The following FAM107B variants were observed in gnomAD, a reference collection of about 807,000 sequenced individuals.
FAM107B encodes family with sequence similarity 107 member B, also known as protein FAM107B.
Under a neutral mutation model 31.5 loss-of-function variants are expected in FAM107B, and 21 were observed. The ratio of observed to expected loss-of-function variants is 0.67; its 90% CI spans 0.47 to 0.96. FAM107B has a LOEUF of 0.96. Among genes scored for constraint, FAM107B ranks in the 40% least tolerant of loss-of-function variants. FAM107B has a pLI of 0.00. For synonymous variants in FAM107B, 157 were observed against 141.5 expected (o/e 1.11, Z -0.78); for missense variants, 452 against 377.1 (o/e 1.20, Z -1.64).
intron 1 of FAM107B, among the ~76,000 whole-genome samples, chr10:14,686,176 G>C (rs1854981952): frequency 6.6e-6 from 1 of 152,116 alleles, no homozygotes; most frequent in Non-Finnish European, 1.5e-5. Flanking sequence ...ATCACTTGAG[G>C]TCAGGAGTTC....
chr10:14,689,261 T>G (rs1288361263), intron 1 of FAM107B, among the ~76,000 whole-genome samples: 3 of 150,864 alleles, frequency 2.0e-5, no homozygotes, highest in Non-Finnish European at 2.9e-5. Context: ...GCACCTGAAG[T>G]CCCAGCTCCT....
chr10:14,594,458 G>A (rs1852115794), intron 2 of FAM107B, among the ~76,000 whole-genome samples: 1 of 149,388 alleles, frequency 6.7e-6, no homozygotes, highest in Non-Finnish European at 1.5e-5. Flanking sequence ...GAGCTATGGT[G>A]GCACTGCTGC....
chr10:14,749,305 C>A (rs75261036), intron 1 of FAM107B, among the ~76,000 whole-genome samples: 56 of 152,310 alleles, frequency 3.7e-4, no homozygotes, highest in African/African-American at 1.3e-3. Flanking sequence ...CTGATTGAGA[C>A]TCTGAGGGGT....
intron 2 of FAM107B, among the ~76,000 whole-genome samples, chr10:14,656,557 T>C (rs920842552): frequency 3.9e-5 from 6 of 152,174 alleles, no homozygotes; most frequent in African/African-American, 1.4e-4. Flanking sequence ...TTCTTCTTTT[T>C]ATACCAATGT....
chr10:14,680,546 C>T (rs1854807650), intron 1 of FAM107B, among the ~76,000 whole-genome samples: 1 of 147,834 alleles, frequency 6.8e-6, no homozygotes, highest in East Asian at 2.0e-4. Flanking sequence ...TGCACTCCAG[C>T]CTGGGCAACA....
chr10:14,681,547 T>C lies in FAM107B; in HGVS notation c.412-13856A>G, dbSNP rs118140513. Among the ~76,000 whole-genome samples, 404 of 152,292 alleles carry C rather than the reference T, an allele frequency of 2.7e-3. 7 individuals are homozygous for C. In the East Asian group the frequency reaches 0.037, roughly 14 times the overall value. ...CAGAGAAATACTGACTGTTCCATCT[T>C]GGGTCGCATACTTGCCCCTCGTCAC... On this transcript the variant is annotated intron_variant, in intron 1 of 4. Transcript: ENST00000181796.
At position 14,738,827 on chromosome 10, in the gene FAM107B, G is replaced by A. The variant is rs561996375; in HGVS notation, c.411+35426C>T. Among the ~76,000 whole-genome samples, 202 of 152,314 alleles carry A rather than the reference G, an allele frequency of 1.3e-3. 2 individuals carry two copies. In the South Asian group the frequency reaches 0.04, roughly 30 times the overall value. ...TATATTGTAACACTAGTTGCCGTCT[G>A]TTCTGGACATTGTTGCTGTGTAACA... is the stretch of plus-strand genomic sequence containing the variant. On this transcript the variant is annotated intron_variant, in intron 1 of 4. Transcript: ENST00000181796.
chr10:14,636,941 T>C (rs1853514445), intron 2 of FAM107B, among the ~76,000 whole-genome samples: 1 of 152,166 alleles, frequency 6.6e-6, no homozygotes, highest in Admixed American at 6.5e-5. Context: ...CATTTGTTTT[T>C]GCCAGATGTC....
intron 4 of FAM107B, among the ~76,000 whole-genome samples, 172 bp downstream of exon 4, chr10:14,521,697 C>T (rs1279452133): frequency 1.3e-5 from 2 of 152,202 alleles, no homozygotes; most frequent in Non-Finnish European, 2.9e-5. Context: ...CAGTAGGATT[C>T]TTGTCCCTGC....
At chr10:14,723,278 T>C in intron 1 of FAM107B, 2 of 537,328 alleles carry the variant, frequency 3.7e-6, no homozygotes, top group Admixed American at 1.9e-5. Context: ...AGGGAACTGC[T>C]GAATAGGCAC....
chr10:14,698,640 C>T (rs1855324346), intron 1 of FAM107B, among the ~76,000 whole-genome samples: 1 of 152,184 alleles, frequency 6.6e-6, no homozygotes, highest in African/African-American at 2.4e-5. Flanking sequence ...TGACCAAGGT[C>T]CTACAGCTGT....
chr10:14,645,950 AAAC>A (rs1340289010), intron 2 of FAM107B, among the ~76,000 whole-genome samples: 3 of 152,176 alleles, frequency 2.0e-5, no homozygotes, highest in Admixed American at 2.0e-4. Flanking sequence ...ATAGTGTTGG[AAAC>A]AAGCCCTCGA....
intron 2 of FAM107B, among the ~76,000 whole-genome samples, chr10:14,622,421 C>G (rs1853037047): frequency 6.6e-6 from 1 of 151,778 alleles, no homozygotes; most frequent in Non-Finnish European, 1.5e-5. Context: ...ATTCTCCTGC[C>G]TCAACCTCCC....
intron 2 of FAM107B, among the ~76,000 whole-genome samples, chr10:14,605,911 G>A (rs557315661): frequency 4.1e-4 from 62 of 152,256 alleles, no homozygotes; most frequent in Middle Eastern, 6.8e-3. Context: ...CCCTCTGCTG[G>A]CACCGCCACT....
At chr10:14,584,670 T>C (rs1177911482) in intron 2 of FAM107B, among the ~76,000 whole-genome samples, 1 of 152,192 alleles carries the variant, frequency 6.6e-6, no homozygotes, top group East Asian at 1.9e-4. Context: ...GAATAGGGGC[T>C]GGAGGCAGGG....
intron 2 of FAM107B, among the ~76,000 whole-genome samples, chr10:14,588,406 T>A (rs1345731974): frequency 6.6e-6 from 1 of 152,194 alleles, no homozygotes; most frequent in Non-Finnish European, 1.5e-5. Flanking sequence ...AACTGTGGTA[T>A]TTGATGACAA....
chr10:14,722,377 C>T (rs187485052), intron 1 of FAM107B, among the ~76,000 whole-genome samples: 14 of 152,312 alleles, frequency 9.2e-5, no homozygotes, highest in Non-Finnish European at 1.6e-4. Flanking sequence ...GTACTTCATC[C>T]CTTTTCATTG....
At chr10:14,607,809 C>T (rs865818698) in intron 2 of FAM107B, among the ~76,000 whole-genome samples, 3 of 152,168 alleles carry the variant, frequency 2.0e-5, no homozygotes, top group South Asian at 2.1e-4. Flanking sequence ...GGGAACACTC[C>T]GCTGAATGGT....
intron 2 of FAM107B, among the ~76,000 whole-genome samples, chr10:14,653,231 C>CTGT (rs558573710): frequency 1.3e-5 from 2 of 152,344 alleles, no homozygotes; most frequent in Admixed American, 1.3e-4. Flanking sequence ...AGTCTTAGAA[C>CTGT]TGTTCTGTTT....
Sources: allele counts gnomAD v4.1 joint callset (sites outside exome capture counted in the v4.1 genomes callset), GRCh38; gene constraint gnomAD v4.1.1; transcripts MANE v1.5; gene names NCBI Gene and HGNC (gene_info 2026-07-23, HGNC 2026-07-21).